Variants in TMEM132C observed in about 807,000 individuals in gnomAD.
The protein encoded by TMEM132C is transmembrane protein 132C.
In TMEM132C, 29 loss-of-function variants were observed where a neutral mutation model predicts 61.4. The ratio of observed to expected loss-of-function variants is 0.47; its 90% CI spans 0.35 to 0.64. The LOEUF (loss-of-function observed/expected upper bound fraction) is 0.64, where lower values mean the gene tolerates loss of function less well. Ranked by LOEUF, TMEM132C falls within the 30% of genes least tolerant of loss-of-function variation. The probability of loss-of-function intolerance (pLI) is 0.00; values close to 1 mark genes in which losing one functional copy is unlikely to be tolerated. For synonymous variants in TMEM132C, 656 were observed against 633.1 expected, an observed-to-expected ratio of 1.04 and a Z score of -0.54; for missense variants, 1,408 against 1,476.9, an observed-to-expected ratio of 0.95 and a Z score of 0.76.
chr12:128,580,013 G>A (rs998310958), intron 3 of TMEM132C, among the ~76,000 whole-genome samples: 1 of 152,124 alleles, frequency 6.6e-6, no homozygotes, highest in Non-Finnish European at 1.5e-5. Flanking sequence ...ACACGTGTTC[G>A]CAGGCAGTGA....
At chr12:128,387,018 G>A (rs112706579) in intron 1 of TMEM132C, among the ~76,000 whole-genome samples, 1,654 of 152,000 alleles carry the variant, frequency 0.011, 39 homozygotes, top group African/African-American at 0.038. Context: ...ATGCACATCT[G>A]TGGTCCCTGC....
At chr12:128,359,085 C>G (rs1873611352) in intron 1 of TMEM132C, among the ~76,000 whole-genome samples, 1 of 152,216 alleles carries the variant, frequency 6.6e-6, no homozygotes, top group South Asian at 2.1e-4. Flanking sequence ...AGCTTCAGGA[C>G]TAGCTCAAGG....
intron 1 of TMEM132C, among the ~76,000 whole-genome samples, chr12:128,351,457 A>G (rs954834542): frequency 2.0e-5 from 3 of 152,198 alleles, no homozygotes; most frequent in Non-Finnish European, 2.9e-5. Context: ...GCTACTTAAC[A>G]ATATGTCTGT....
intron 1 of TMEM132C, among the ~76,000 whole-genome samples, chr12:128,385,001 T>A (rs1212273771): frequency 6.6e-6 from 1 of 152,230 alleles, no homozygotes; most frequent in African/African-American, 2.4e-5. Flanking sequence ...TGTCTTGGTG[T>A]TCGTCCCTTT....
intron 2 of TMEM132C, among the ~76,000 whole-genome samples, chr12:128,485,388 G>A (rs184077073): frequency 1.3e-5 from 2 of 152,112 alleles, no homozygotes; most frequent in Non-Finnish European, 2.9e-5. Flanking sequence ...TGTTGGCCAG[G>A]CTGGTCTCGA....
At chr12:128,595,996 C>CT (rs1316883790) in intron 3 of TMEM132C, among the ~76,000 whole-genome samples, 1 of 152,256 alleles carries the variant, frequency 6.6e-6, no homozygotes, top group African/African-American at 2.4e-5. Flanking sequence ...AACATCCACT[C>CT]TATCAGGGCC....
chr12:128,378,395 C>T (rs746681389), intron 1 of TMEM132C, among the ~76,000 whole-genome samples: 2 of 151,304 alleles, frequency 1.3e-5, no homozygotes, highest in Admixed American at 6.6e-5. Flanking sequence ...GGATTACAGG[C>T]GTGAGCCACC....
chr12:128,552,457 G>A (rs771042633), intron 3 of TMEM132C, among the ~76,000 whole-genome samples: 10 of 152,118 alleles, frequency 6.6e-5, no homozygotes, highest in Non-Finnish European at 1.2e-4. Flanking sequence ...ATATAGAAAA[G>A]AATAAAGACA....
chr12:128,465,789 A>G (rs1262540041), intron 2 of TMEM132C, among the ~76,000 whole-genome samples: 1 of 152,190 alleles, frequency 6.6e-6, no homozygotes, highest in Non-Finnish European at 1.5e-5. Context: ...GAACCTGACT[A>G]CATGCATGCT....
chr12:128,706,222 T>C lies in TMEM132C; in HGVS notation c.3254T>C (p.Val1085Ala), dbSNP rs759708636. ...VSSNDEDIKW[V>A]CQDVAVGAPK... is the part of the protein sequence containing the mutation. ...AGCAATGATGAGGACATCAAATGGGTGTGTCAAGACGTGGCTGTGGGTGCC... is the reference window on the plus strand; with the variant it reads ...AGCAATGATGAGGACATCAAATGGGCGTGTCAAGACGTGGCTGTGGGTGCC... The change falls in exon 9 of 9, where the codon GTG becomes GCG. Residue 1085 changes from valine to alanine, a missense_variant. Transcript: ENST00000435159. 2 of 1,551,738 alleles carry C rather than the reference T, an allele frequency of 1.3e-6. No homozygotes were observed. Among genetic ancestry groups the C allele is most frequent in the East Asian group, 2.4e-5 (1 of 40,910 alleles).
chr12:128,681,446 G>C (rs1954633476), intron 5 of TMEM132C, among the ~76,000 whole-genome samples: 1 of 152,076 alleles, frequency 6.6e-6, no homozygotes, highest in African/African-American at 2.4e-5. Context: ...CCGAGTTAAG[G>C]GGGAAAACAT....
chr12:128,605,046 G>C (rs1876370847), intron 3 of TMEM132C, among the ~76,000 whole-genome samples: 3 of 152,000 alleles, frequency 2.0e-5, no homozygotes, highest in Non-Finnish European at 4.4e-5. Context: ...TGGATGGATG[G>C]ATGGATGGAT....
At chr12:128,328,876 A>C (rs2135943193) in intron 1 of TMEM132C, among the ~76,000 whole-genome samples, 1 of 152,094 alleles carries the variant, frequency 6.6e-6, no homozygotes, top group East Asian at 1.9e-4. Context: ...CCAGTTATAA[A>C]GTAGCTAAGG....
At position 128,630,698 on chromosome 12, in the gene TMEM132C, C is replaced by A. The variant is rs568475883; in HGVS notation, c.1305+14363C>A. 2.0e-5 allele frequency among the ~76,000 whole-genome samples: 3 copies of A among 152,308 alleles called. No homozygotes were observed. Among genetic ancestry groups the A allele is most frequent in the East Asian group, 3.9e-4 (2 of 5,182 alleles). On this transcript the variant is annotated intron_variant, in intron 4 of 8. Transcript: ENST00000435159. The surrounding 1 kb of genome is among the most constrained non-coding windows in gnomAD (Gnocchi z 4.3). ...CACCTTCCAGATCACTGCTCAATAT[C>A]TAGTCGATGGCCAAAACATATCTAC...
At chr12:128,668,873 T>C (rs916629577) in intron 4 of TMEM132C, among the ~76,000 whole-genome samples, 3 of 152,160 alleles carry the variant, frequency 2.0e-5, no homozygotes, top group Admixed American at 1.3e-4. Flanking sequence ...CATGGCTCCC[T>C]CTTATAAGGA....
intron 2 of TMEM132C, among the ~76,000 whole-genome samples, chr12:128,489,261 G>A (rs183179775): frequency 1.3e-5 from 2 of 152,118 alleles, no homozygotes; most frequent in African/African-American, 2.4e-5. Context: ...ACTACTAAGC[G>A]GTGTTACAGA....
chr12:128,303,707 C>T (rs1466216616), intron 1 of TMEM132C, among the ~76,000 whole-genome samples: 1 of 152,180 alleles, frequency 6.6e-6, no homozygotes, highest in Admixed American at 6.5e-5. Flanking sequence ...CTAGGCTTGA[C>T]ATTTTTCAGC....
intron 1 of TMEM132C, among the ~76,000 whole-genome samples, chr12:128,313,158 C>T (rs991732621): frequency 6.6e-6 from 1 of 152,242 alleles, no homozygotes; most frequent in Non-Finnish European, 1.5e-5. Context: ...CAGCACAGAG[C>T]CAGGCCCTCT....
At chr12:128,462,097 G>GTTTT (rs1870551166) in intron 2 of TMEM132C, among the ~76,000 whole-genome samples, 1 of 151,896 alleles carries the variant, frequency 6.6e-6, no homozygotes, top group South Asian at 2.1e-4. Flanking sequence ...TATTTTATTT[G>GTTTT]TTTGTTTTGT....
Sources: allele counts gnomAD v4.1 joint callset (sites outside exome capture counted in the v4.1 genomes callset), GRCh38; gene constraint gnomAD v4.1.1; non-coding constraint Gnocchi (gnomAD v3.1); transcripts MANE v1.5; gene names NCBI Gene and HGNC (gene_info 2026-07-23, HGNC 2026-07-21).